Variants in LRRC4C observed in about 807,000 individuals in gnomAD.
The protein encoded by LRRC4C is leucine rich repeat containing 4C, also known as leucine-rich repeat-containing protein 4C.
LRRC4C carries 5 observed loss-of-function variants against 33.6 expected under a neutral mutation model. That is an observed-to-expected ratio of 0.15 (90% CI 0.08 to 0.31). The LOEUF (loss-of-function observed/expected upper bound fraction) is 0.31. LRRC4C is among the 10% of genes least tolerant of loss of function. The pLI, the probability that LRRC4C is intolerant of heterozygous loss-of-function variation, is 1.00. For missense variants in LRRC4C, 560 were observed against 796.7 expected (o/e 0.70, Z 3.58); for synonymous variants, 329 against 302.0 (o/e 1.09, Z -0.93).
chr11:40,714,707 T>A (rs1355231853), intron 2 of LRRC4C, among the ~76,000 whole-genome samples: 1 of 152,118 alleles, frequency 6.6e-6, no homozygotes, highest in Non-Finnish European at 1.5e-5. Context: ...AATAAGAAGG[T>A]GTGGCACCAG....
At chr11:40,458,885 A>T (rs919749819) in intron 3 of LRRC4C, among the ~76,000 whole-genome samples, 1 of 152,168 alleles carries the variant, frequency 6.6e-6, no homozygotes, top group Non-Finnish European at 1.5e-5. Flanking sequence ...TCCTACTACA[A>T]TATGTCTTGC....
At chr11:40,395,043 T>C (rs1949486235) in intron 3 of LRRC4C, among the ~76,000 whole-genome samples, 1 of 152,164 alleles carries the variant, frequency 6.6e-6, no homozygotes, top group Non-Finnish European at 1.5e-5. Context: ...TCTATAATTA[T>C]ATAGACTTTG....
At chr11:41,090,559 A>G (rs1373181869) in intron 1 of LRRC4C, among the ~76,000 whole-genome samples, 2 of 152,148 alleles carry the variant, frequency 1.3e-5, no homozygotes, top group African/African-American at 4.8e-5. Flanking sequence ...CCACTGACTA[A>G]TGCAGCTACT....
intron 1 of LRRC4C, among the ~76,000 whole-genome samples, chr11:41,323,513 A>G (rs778338843): frequency 6.6e-6 from 1 of 152,200 alleles, no homozygotes; most frequent in Non-Finnish European, 1.5e-5. Flanking sequence ...AGAAAAGCAA[A>G]CTTTTTCTGG....
At chr11:41,100,570 A>G (rs184965636) in intron 1 of LRRC4C, among the ~76,000 whole-genome samples, 4 of 151,750 alleles carry the variant, frequency 2.6e-5, no homozygotes, top group African/African-American at 9.7e-5. Context: ...GTCCATCTCA[A>G]AATAATAATA....
At chr11:41,314,287 CAGTTA>C (rs966987281) in intron 1 of LRRC4C, among the ~76,000 whole-genome samples, 5 of 152,250 alleles carry the variant, frequency 3.3e-5, no homozygotes, top group South Asian at 2.1e-4. Flanking sequence ...ATATAGGTAT[CAGTTA>C]AGTTTAGCCT....
chr11:41,142,245 G>A (rs895837443), intron 1 of LRRC4C, among the ~76,000 whole-genome samples: 5 of 152,150 alleles, frequency 3.3e-5, no homozygotes, highest in Admixed American at 6.5e-5. Context: ...CCCTCTGCTA[G>A]GCATTAGGAA....
chr11:40,458,921 A>T (rs1952260245), intron 3 of LRRC4C, among the ~76,000 whole-genome samples: 1 of 152,032 alleles, frequency 6.6e-6, no homozygotes, highest in Non-Finnish European at 1.5e-5. Flanking sequence ...TTAATCAGTT[A>T]AGTTCTTTGG....
Position 40,877,727 on chromosome 11 carries a change from C to T in LRRC4C, c.-407+55908G>A, listed in dbSNP as rs146904724. On this transcript the variant is annotated intron_variant, in intron 2 of 6. Coordinates refer to ENST00000528697, the MANE Select transcript of LRRC4C (RefSeq NM_001258419.2). ...GCAGACACATTTGACGAAGTGGTGG[C>T]CTTCAATATTGCTTCTGTTCTTCAT... is the stretch of plus-strand genomic sequence containing the variant. 6.7e-3 allele frequency among the ~76,000 whole-genome samples: 1,021 copies of T among 152,266 alleles called. 6 individuals carry two copies. The highest frequency in any genetic ancestry group is 0.027 in the Middle Eastern group (8 of 292).
rs376043851 is a variant in LRRC4C, at chr11:41,335,588, T to C, written c.-496+123843A>G. Among the ~76,000 whole-genome samples, 137 of 152,340 alleles carry C rather than the reference T, an allele frequency of 9.0e-4. 1 individual carries two copies. The South Asian group carries it at 0.027, about 29-fold the overall frequency. On this transcript the variant is annotated intron_variant, in intron 1 of 6. Coordinates refer to ENST00000528697, the MANE Select transcript of LRRC4C (RefSeq NM_001258419.2). ...AGGGCAGAAATTCTATATTTACATG[T>C]TTATTCATTCCTGTTTTCAATGAGT...
chr11:41,259,358 T>G (rs1228842129), intron 1 of LRRC4C, among the ~76,000 whole-genome samples: 2 of 152,082 alleles, frequency 1.3e-5, no homozygotes, highest in African/African-American at 2.4e-5. Context: ...TACTTAACTA[T>G]CTAACATTAT....
intron 1 of LRRC4C, among the ~76,000 whole-genome samples, chr11:41,090,393 T>G (rs1264720509): frequency 6.6e-6 from 1 of 152,252 alleles, no homozygotes; most frequent in South Asian, 2.1e-4. Context: ...TGTTTTCTCA[T>G]TTCCTATATT....
At chr11:40,649,601 G>A (rs964087147) in intron 2 of LRRC4C, among the ~76,000 whole-genome samples, 4 of 152,102 alleles carry the variant, frequency 2.6e-5, no homozygotes, top group African/African-American at 9.7e-5. Flanking sequence ...GTGGTCCTGA[G>A]GTGACATACA....
rs58754144 is a variant in LRRC4C, at chr11:41,021,293, T to TA, written c.-495-87571dup. Among the ~76,000 whole-genome samples the TA allele has an allele frequency of 1.1e-3, 165 of 144,930 alleles. 1 individual carries two copies. The highest frequency in any genetic ancestry group is 3.5e-3 in the South Asian group (16 of 4,614). On this transcript the variant is annotated intron_variant, in intron 1 of 6. Coordinates refer to ENST00000528697, the MANE Select transcript of LRRC4C (RefSeq NM_001258419.2). ...TCCTGAAAAGAAAATCTCCAAGAAA[T>TA]AAAAAAAAAAAAGCTGATCCTGGAG... is the stretch of plus-strand genomic sequence containing the variant.
Position 40,154,810 on chromosome 11 carries a change from CAACA to C in LRRC4C, c.-95-13961_-95-13958del, listed in dbSNP as rs545269893. ...TAGTCAGGTTCTTAAGACAGAAAGT[CAACA>C]AACAAACAATGGATTTAAACTATAC... On this transcript the variant is annotated intron_variant, in intron 5 of 6. Transcript: ENST00000528697. Among the ~76,000 whole-genome samples, 192 of 152,192 alleles carry C rather than the reference CAACA, an allele frequency of 1.3e-3. 1 individual carries two copies. The highest frequency in any genetic ancestry group is 4.5e-3 in the African/African-American group (185 of 41,530).
intron 2 of LRRC4C, among the ~76,000 whole-genome samples, chr11:40,760,865 A>G (rs944984503): frequency 6.8e-6 from 1 of 146,412 alleles, no homozygotes; most frequent in Non-Finnish European, 1.5e-5. Context: ...GTATATATGT[A>G]TGTATATTAT....
chr11:40,178,273 C>A (rs1307057863), intron 5 of LRRC4C, among the ~76,000 whole-genome samples: 3 of 152,096 alleles, frequency 2.0e-5, no homozygotes, highest in African/African-American at 7.2e-5. Flanking sequence ...TAGGTCATGG[C>A]AATTCTGCCT....
chr11:40,218,246 T>A (rs1364237654), intron 5 of LRRC4C, among the ~76,000 whole-genome samples: 34 of 152,198 alleles, frequency 2.2e-4, no homozygotes, highest in Non-Finnish European at 7.3e-5. Context: ...TATCTGCCTA[T>A]GAAAATTGGG....
intron 3 of LRRC4C, among the ~76,000 whole-genome samples, chr11:40,517,336 T>C (rs1955604080): frequency 6.6e-6 from 1 of 152,112 alleles, no homozygotes; most frequent in African/African-American, 2.4e-5. Flanking sequence ...TTGGCAACAT[T>C]ACTCTGGAAG....
Sources: gnomAD v4.1 joint callset for allele counts (sites outside exome capture counted in the v4.1 genomes callset) on GRCh38, gnomAD v4.1.1 for gene constraint, MANE v1.5 for transcripts, NCBI Gene and HGNC (gene_info 2026-07-23, HGNC 2026-07-21) for gene names.